RABGAP1L: variants seen among roughly 807,000 people sequenced by gnomAD.
RABGAP1L encodes RAB GTPase activating protein 1 like, also known as rab GTPase-activating protein 1-like.
A neutral mutation model predicts 137.7 loss-of-function variants in RABGAP1L; 63 were observed. The observed-to-expected ratio is 0.46, with a 90% confidence interval of 0.37 to 0.56. RABGAP1L has a LOEUF of 0.56. Among genes scored for constraint, RABGAP1L ranks in the 20% least tolerant of loss-of-function variants. The pLI is 0.00. For missense variants in RABGAP1L, 1,095 were observed against 1,244.0 expected (o/e 0.88, Z 1.80); for synonymous variants, 431 against 433.7 (o/e 0.99, Z 0.08).
rs1178959902 is a variant in RABGAP1L at position 174,379,048 on chromosome 1, T to C, written c.1559+7976T>C. Among the ~76,000 whole-genome samples the C allele has an allele frequency of 6.9e-3, 976 of 140,702 alleles. 12 individuals carry two copies. Among genetic ancestry groups the C allele is most frequent in the African/African-American group, 0.026 (934 of 35,588 alleles). The allele number at this position is 140,702 out of a possible 152,430, so 92.3% of individuals were successfully genotyped here. ...GCACCATTTATTAAATAGGGAACCC[T>C]TTCCCCATTGCTTGTTTTTCTCAGG... On this transcript the variant is annotated intron_variant, in intron 12 of 25. Coordinates refer to ENST00000681986, the MANE Select transcript of RABGAP1L (RefSeq NM_001366446.1).
At chr1:174,252,701 A>G (rs1211535339) in intron 7 of RABGAP1L, 111 bp downstream of exon 7, 1 of 1,434,852 alleles carries the variant, frequency 7.0e-7, no homozygotes, top group East Asian at 2.8e-5. Flanking sequence ...CCAATTAAAA[A>G]TGAGGATAAT....
intron 13 of RABGAP1L, among the ~76,000 whole-genome samples, chr1:174,607,394 G>A (rs1016016520): frequency 1.3e-5 from 2 of 152,132 alleles, no homozygotes; most frequent in Non-Finnish European, 2.9e-5. Context: ...CCTGCTCTCA[G>A]AGGGTAGGGC....
At chr1:174,857,526 TA>T (rs1649523873) in intron 19 of RABGAP1L, among the ~76,000 whole-genome samples, 1 of 152,170 alleles carries the variant, frequency 6.6e-6, no homozygotes, top group South Asian at 2.1e-4. Context: ...TATTTATGAG[TA>T]AATATAGTTA....
chr1:174,398,826 C>G (rs1648200021), intron 13 of RABGAP1L, among the ~76,000 whole-genome samples: 1 of 152,090 alleles, frequency 6.6e-6, no homozygotes, highest in East Asian at 1.9e-4. Context: ...CCAACTGCCT[C>G]TTAATAGTGA....
chr1:174,924,763 A>C (rs1203433020), intron 19 of RABGAP1L, among the ~76,000 whole-genome samples: 1 of 152,136 alleles, frequency 6.6e-6, no homozygotes, highest in Non-Finnish European at 1.5e-5. Context: ...TTAACTCTCG[A>C]ATTAAGAAAA....
At chr1:174,527,789 T>G (rs975469113) in intron 13 of RABGAP1L, among the ~76,000 whole-genome samples, 1 of 152,160 alleles carries the variant, frequency 6.6e-6, no homozygotes, top group East Asian at 1.9e-4. Flanking sequence ...CTAATAATAT[T>G]TTATTTATGA....
At chr1:174,986,597 G>A (rs1215705212) in intron 24 of RABGAP1L, among the ~76,000 whole-genome samples, 4 of 152,228 alleles carry the variant, frequency 2.6e-5, no homozygotes, top group African/African-American at 9.6e-5. Flanking sequence ...TCTTTGACAT[G>A]TAGCACGAGG....
intron 1 of RABGAP1L, among the ~76,000 whole-genome samples, chr1:174,167,989 G>T (rs1364057034): frequency 6.6e-6 from 1 of 152,074 alleles, no homozygotes; most frequent in Non-Finnish European, 1.5e-5. Context: ...TGATGGCCGG[G>T]GGTGGTGGCC....
chr1:174,197,560 G>A (rs930542765), intron 1 of RABGAP1L, among the ~76,000 whole-genome samples: 19 of 152,064 alleles, frequency 1.2e-4, no homozygotes, highest in Non-Finnish European at 2.8e-4. Context: ...TTTCTTAAGC[G>A]TAGCACAATA....
chr1:174,469,414 A>G lies in RABGAP1L; in HGVS notation c.1710+75269A>G, dbSNP rs73040877. ...ACATTTCTCAGAAGTATAAACGTGGACAGTTTACATCAGATTCACTGGTAA... is the reference window on the plus strand; with the variant it reads ...ACATTTCTCAGAAGTATAAACGTGGGCAGTTTACATCAGATTCACTGGTAA... On this transcript the variant is annotated intron_variant, in intron 13 of 25. Transcript: ENST00000681986. 2.3e-3 allele frequency among the ~76,000 whole-genome samples: 355 copies of G among 152,348 alleles called. 1 individual carries two copies. Among genetic ancestry groups the G allele is most frequent in the African/African-American group, 7.9e-3 (328 of 41,586 alleles).
chr1:174,387,201 C>CT (rs1241552037), intron 12 of RABGAP1L, among the ~76,000 whole-genome samples: 1 of 152,132 alleles, frequency 6.6e-6, no homozygotes, highest in African/African-American at 2.4e-5. Context: ...TTCTTGACCA[C>CT]TTTTTTTCCT....
chr1:174,500,206 A>G (rs1661133519), intron 13 of RABGAP1L, among the ~76,000 whole-genome samples: 1 of 151,742 alleles, frequency 6.6e-6, no homozygotes, highest in African/African-American at 2.4e-5. Flanking sequence ...CAGCTTTCAG[A>G]GTAGCTGAGA....
chr1:174,449,571 TCTCA>T (rs1404323942), intron 13 of RABGAP1L, among the ~76,000 whole-genome samples: 4 of 152,238 alleles, frequency 2.6e-5, no homozygotes, highest in Non-Finnish European at 5.9e-5. Context: ...TCTATGTTTC[TCTCA>T]CTCTTTGTGG....
At chr1:174,750,839 TGTG>T (rs1411353931) in intron 17 of RABGAP1L, among the ~76,000 whole-genome samples, 1 of 152,146 alleles carries the variant, frequency 6.6e-6, no homozygotes, top group Non-Finnish European at 1.5e-5. Flanking sequence ...GTGGTTGTGA[TGTG>T]GTGGTGGACA....
intron 20 of RABGAP1L, chr1:174,957,806 G>A (rs1430136990): frequency 2.6e-6 from 3 of 1,172,728 alleles, no homozygotes; most frequent in Non-Finnish European, 3.7e-6. Flanking sequence ...TGATTTAGAT[G>A]CTCTCTGATC....
At chr1:174,732,423 A>G (rs1366587386) in intron 17 of RABGAP1L, among the ~76,000 whole-genome samples, 1 of 152,186 alleles carries the variant, frequency 6.6e-6, no homozygotes, top group Non-Finnish European at 1.5e-5. Context: ...AGACTGTGGT[A>G]TTTGGACCTA....
chr1:174,265,861 C>A (rs1674024545), intron 7 of RABGAP1L, among the ~76,000 whole-genome samples: 2 of 151,696 alleles, frequency 1.3e-5, no homozygotes, highest in South Asian at 4.2e-4. Context: ...ATGTTAAATT[C>A]TCTGTACTGG....
intron 19 of RABGAP1L, among the ~76,000 whole-genome samples, chr1:174,837,260 T>C (rs190773179): frequency 1.3e-5 from 2 of 152,184 alleles, no homozygotes; most frequent in South Asian, 4.1e-4. Context: ...TTATTCACTA[T>C]AAAGAATTTA....
chr1:174,790,259 G>A (rs1687749096), intron 18 of RABGAP1L, among the ~76,000 whole-genome samples: 1 of 151,834 alleles, frequency 6.6e-6, no homozygotes, highest in Non-Finnish European at 1.5e-5. Flanking sequence ...ACAATTTCAA[G>A]TGGTGATAAA....
Sources: allele counts gnomAD v4.1 joint callset (sites outside exome capture counted in the v4.1 genomes callset), GRCh38; gene constraint gnomAD v4.1.1; transcripts MANE v1.5; gene names NCBI Gene and HGNC (gene_info 2026-07-23, HGNC 2026-07-21).